SCYL3: variants seen among roughly 807,000 people sequenced by gnomAD.
SCYL3 encodes the protein SCY1 like pseudokinase 3, also known as protein-associating with the carboxyl-terminal domain of ezrin.
A neutral mutation model predicts 73.8 loss-of-function variants in SCYL3; 35 were observed. The ratio of observed to expected loss-of-function variants is 0.47; its 90% CI spans 0.36 to 0.63. The LOEUF (loss-of-function observed/expected upper bound fraction) is 0.63, where lower values mean the gene tolerates loss of function less well. SCYL3 is among the 20% of genes least tolerant of loss of function. The probability of loss-of-function intolerance (pLI) is 0.00; values close to 1 mark genes in which losing one functional copy is unlikely to be tolerated. For missense variants in SCYL3, 712 were observed against 798.9 expected, an observed-to-expected ratio of 0.89 and a Z score of 1.31; for synonymous variants, 277 against 295.2, an observed-to-expected ratio of 0.94 and a Z score of 0.63.
chr1:169,877,262 C>T (rs1259368869), intron 3 of SCYL3, among the ~76,000 whole-genome samples: 1 of 151,796 alleles, frequency 6.6e-6, no homozygotes, highest in African/African-American at 2.4e-5. Flanking sequence ...CTCAAGCAAT[C>T]CTCCCACCTC....
intron 11 of SCYL3, chr1:169,855,657 G>A: frequency 1.4e-6 from 1 of 729,598 alleles, no homozygotes. Context: ...ATAGTCTGGA[G>A]AAACAAGATG....
At chr1:169,885,079 T>C (rs1365783130) in intron 2 of SCYL3, among the ~76,000 whole-genome samples, 2 of 152,368 alleles carry the variant, frequency 1.3e-5, no homozygotes, top group African/African-American at 4.8e-5. Context: ...TATTTTTGAA[T>C]GAGTGTCTTG....
Position 169,854,854 on chromosome 1 carries a change from A to G in SCYL3, c.1423T>C (p.Trp475Arg), listed in dbSNP as rs1362055109. ...TCCTCAGGTTCACTCCAGTCAGGCC[A>G]CTCCTCAGACTTTTTAGAACTTGAT... is the stretch of plus-strand genomic sequence containing the variant. ...FPSSSKKSEE[W>R]PDWSEPEEPE... is the part of the protein sequence containing the mutation. Residue 475 changes from tryptophan to arginine, a missense_variant, in exon 12 of 13, where the codon TGG (tryptophan) becomes CGG (arginine). Trp to Arg is a moderately radical substitution (Grantham distance 101, BLOSUM62 -3). Around this residue, in one of 2 missense-constraint regions of SCYL3, gnomAD observed 370 missense variants for 350.8 expected, o/e 1.05. Coordinates refer to ENST00000367771, the MANE Select transcript of SCYL3 (RefSeq NM_020423.7). The G allele has an allele frequency of 6.2e-7, 1 of 1,613,720 alleles. No homozygotes were observed. Among genetic ancestry groups the G allele is most frequent in the Non-Finnish European group, 8.5e-7 (1 of 1,179,900 alleles).
intron 10 of SCYL3, 123 bp downstream of exon 10, chr1:169,862,490 T>G (rs1272383930): frequency 2.5e-5 from 25 of 993,800 alleles, no homozygotes; most frequent in Non-Finnish European, 3.6e-5. Flanking sequence ...TTCAGCACTT[T>G]GTATTCCACA....
intron 7 of SCYL3, among the ~76,000 whole-genome samples, chr1:169,868,393 T>C (rs1244063228): frequency 1.3e-5 from 2 of 152,222 alleles, no homozygotes; most frequent in African/African-American, 4.8e-5. Flanking sequence ...AAAACTAACC[T>C]TGAAGAAGGG....
rs774315834 is a variant in SCYL3 at position 169,854,916 on chromosome 1, T to C, written c.1361A>G (p.Asp454Gly). The C allele has an allele frequency of 1.2e-6, 2 of 1,612,736 alleles. No individual in the cohort carries two copies. Among genetic ancestry groups the C allele is most frequent in the Non-Finnish European group, 1.7e-6 (2 of 1,179,500 alleles). Residue 454 changes from aspartate to glycine, a missense_variant, in exon 12 of 13, where the codon GAT becomes GGT. Asp to Gly is a moderately conservative substitution (Grantham distance 94, BLOSUM62 -1). Coordinates refer to ENST00000367771, the MANE Select transcript of SCYL3 (RefSeq NM_020423.7). ...ACTGTCCTCCGAAGTATTTTTTACA[T>C]CTGAGAGTCCATTTATGGGAAATTT... ...PIKFPINGLSDVKNTSEDSEN... is the reference protein window; with the variant it reads ...PIKFPINGLSGVKNTSEDSEN...
chr1:169,853,908 T>G, intron 12 of SCYL3, 136 bp from the exon 13 acceptor site: 1 of 934,420 alleles, frequency 1.1e-6, no homozygotes, highest in South Asian at 1.6e-5. Context: ...GTAAAATAAC[T>G]TAGAGCTCTA....
intron 11 of SCYL3, chr1:169,855,817 A>T (rs775755746): frequency 1.2e-6 from 2 of 1,613,700 alleles, no homozygotes; most frequent in Non-Finnish European, 1.7e-6. Context: ...AGAGTATTGT[A>T]GTAATCTCGC....
chr1:169,864,342 G>A (rs537566669), intron 9 of SCYL3, 27 bp downstream of exon 9: 8 of 1,613,080 alleles, frequency 5.0e-6, no homozygotes, highest in African/African-American at 2.7e-5. Context: ...TTCTTAACTA[G>A]CAATAACACT....
intron 3 of SCYL3, among the ~76,000 whole-genome samples, chr1:169,876,958 T>TAAA (rs61051062): frequency 6.2e-4 from 47 of 76,406 alleles, no homozygotes; most frequent in African/African-American, 9.5e-4. Context: ...TTGTCTCAAA[T>TAAA]AAAAAAAAAA....
At chr1:169,893,240 C>T (rs1662208177) in intron 1 of SCYL3, among the ~76,000 whole-genome samples, 1 of 152,170 alleles carries the variant, frequency 6.6e-6, no homozygotes. Flanking sequence ...TTATTCTAAA[C>T]AGAAAGCACT....
At position 169,878,637 on chromosome 1, in the gene SCYL3, G is replaced by C. The variant is rs776586042; in HGVS notation, c.348C>G (p.Asp116Glu). 1.2e-6 allele frequency: 2 copies of C among 1,611,292 alleles called. No individual in the cohort carries two copies. Among genetic ancestry groups the C allele is most frequent in the South Asian group, 2.2e-5 (2 of 90,578 alleles). Residue 116 changes from aspartate (D) to glutamate (E), a missense_variant, in exon 3 of 13, where the codon GAC becomes GAG. This residue lies in a region of SCYL3 where 342 missense variants were observed against 448.1 expected (regional missense o/e 0.76). Coordinates refer to ENST00000367771, the MANE Select transcript of SCYL3 (RefSeq NM_020423.7). Reference sequence around the variant, plus strand: ...GCAGACTATACAGGTTACTTACTCTGTCATGAAGGAAGATAAGAGCCAGCA... The same window carrying C: ...GCAGACTATACAGGTTACTTACTCTCTCATGAAGGAAGATAAGAGCCAGCA... ...DILLALIFLH[D>E]RGHLTHNNVC...
chr1:169,873,619 G>T, intron 5 of SCYL3, 77 bp downstream of exon 5: 1 of 897,232 alleles, frequency 1.1e-6, no homozygotes, highest in Non-Finnish European at 1.8e-6. Flanking sequence ...AAAGGAGTAA[G>T]CAGAGGAAAG....
intron 5 of SCYL3, among the ~76,000 whole-genome samples, 171 bp from the exon 6 acceptor site, chr1:169,870,528 A>C (rs1660318812): frequency 6.6e-6 from 1 of 152,248 alleles, no homozygotes; most frequent in East Asian, 1.9e-4. Context: ...AATTTGTTGA[A>C]GATTGTAAAA....
intron 8 of SCYL3, among the ~76,000 whole-genome samples, chr1:169,864,864 A>T (rs1011539026): frequency 1.3e-5 from 2 of 151,782 alleles, no homozygotes; most frequent in Non-Finnish European, 2.9e-5. Flanking sequence ...GGGCTGAGGC[A>T]TGGGAGGCTG....
At chr1:169,856,075 A>G in intron 11 of SCYL3, 1 of 836,614 alleles carries the variant, frequency 1.2e-6, no homozygotes, top group Non-Finnish European at 1.8e-6. Flanking sequence ...TATAAAGGAT[A>G]AAATGGAGGA....
rs1660593599 is a variant in SCYL3 at position 169,873,710 on chromosome 1, G to A, written c.508C>T (p.Pro170Ser). Residue 170 changes from proline to serine, a missense_variant, in exon 5 of 13, where the codon CCT (proline) becomes TCT (serine). Physicochemically the swap from Pro to Ser is moderately conservative, Grantham distance 74. This residue lies in a region of SCYL3 where 342 missense variants were observed against 448.1 expected (regional missense o/e 0.76). Coordinates refer to ENST00000367771, the MANE Select transcript of SCYL3 (RefSeq NM_020423.7). Reference protein sequence around the residue: ...IQSIRDPASIPPEEMSPEFTT... With the variant: ...IQSIRDPASISPEEMSPEFTT... ...TATCATCTTACCATCTCTTCAGGAG[G>A]GATAGATGCTGGGTCTCTTATTGAC... 3.1e-6 allele frequency: 5 copies of A among 1,603,042 alleles called. No homozygotes were observed. In the African/African-American group the frequency reaches 6.7e-5, roughly 21 times the overall value.
chr1:169,869,203 G>C, intron 6 of SCYL3, 164 bp from the exon 7 acceptor site: 1 of 591,726 alleles, frequency 1.7e-6, no homozygotes, highest in South Asian at 1.9e-5. Flanking sequence ...AAACTCATTG[G>C]CAGGTGTAGA....
chr1:169,872,345 T>C (rs193087091), intron 5 of SCYL3, among the ~76,000 whole-genome samples: 43 of 152,346 alleles, frequency 2.8e-4, no homozygotes, highest in East Asian at 9.6e-4. Context: ...CAAGTGCACA[T>C]TAGTCAAGAA....
Sources: gnomAD v4.1 joint callset for allele counts (sites outside exome capture counted in the v4.1 genomes callset) on GRCh38, gnomAD v4.1.1 for gene constraint, gnomAD v4.1.1 regional missense constraint, MANE v1.5 for transcripts, NCBI Gene and HGNC (gene_info 2026-07-23, HGNC 2026-07-21) for gene names.